The following DENND5A variants were observed in gnomAD, a reference collection of about 807,000 sequenced individuals.
DENND5A encodes the protein DENN domain containing 5A.
DENND5A carries 64 observed loss-of-function variants against 140.3 expected under a neutral mutation model. The ratio of observed to expected loss-of-function variants is 0.46; its 90% CI spans 0.37 to 0.56. The LOEUF (loss-of-function observed/expected upper bound fraction) is 0.56. Ranked by LOEUF, DENND5A falls within the 20% of genes least tolerant of loss-of-function variation. DENND5A has a pLI of 0.00. For synonymous variants in DENND5A, 605 were observed against 607.7 expected (o/e 1.00, Z 0.07); for missense variants, 1,292 against 1,593.8 (o/e 0.81, Z 3.22).
At chr11:9,183,147 C>CAA (rs1848790062) in intron 5 of DENND5A, among the ~76,000 whole-genome samples, 1 of 152,188 alleles carries the variant, frequency 6.6e-6, no homozygotes. Flanking sequence ...AGAAGCCTTT[C>CAA]ATATTTGTAT....
intron 1 of DENND5A, among the ~76,000 whole-genome samples, chr11:9,209,352 T>C (rs1177137404): frequency 6.6e-6 from 1 of 152,148 alleles, no homozygotes; most frequent in African/African-American, 2.4e-5. Context: ...AGGGGAGAAC[T>C]TTTTAAAAGT....
intron 11 of DENND5A, among the ~76,000 whole-genome samples, chr11:9,165,180 T>C (rs967902801): frequency 2.0e-5 from 3 of 152,016 alleles, no homozygotes; most frequent in African/African-American, 7.2e-5. Flanking sequence ...TTTTGTGTCT[T>C]TAGTAGAGAC....
chr11:9,161,375 A>G (rs1228368928), intron 11 of DENND5A, among the ~76,000 whole-genome samples: 1 of 152,184 alleles, frequency 6.6e-6, no homozygotes, highest in Non-Finnish European at 1.5e-5. Flanking sequence ...TAGTTAAGGA[A>G]AGGATAAGAA....
rs117344697 is a variant in DENND5A at position 9,138,976 on chromosome 11, G to A, written c.*695C>T. Reference sequence around the variant, plus strand: ...AAAATACTTAAAAACACACAATGGCGGGTTAAATAAATAAAACATTTTAAA... The same window carrying A: ...AAAATACTTAAAAACACACAATGGCAGGTTAAATAAATAAAACATTTTAAA... On this transcript the variant is annotated 3_prime_UTR_variant, in exon 23 of 23. Coordinates refer to ENST00000328194, the MANE Select transcript of DENND5A (RefSeq NM_015213.4). 6,086 of 152,250 alleles carry A rather than the reference G, an allele frequency of 0.04. 185 individuals carry two copies. The highest frequency in any genetic ancestry group is 0.065 in the Middle Eastern group (19 of 294). 9.4% of individuals were successfully genotyped at this position (152,250 alleles called of 1,614,324 possible). A position where few individuals can be genotyped will look rare whatever the true frequency, so the allele number is the denominator to read the frequency against.
At chr11:9,219,108 T>C (rs1564922222) in intron 1 of DENND5A, among the ~76,000 whole-genome samples, 2 of 151,756 alleles carry the variant, frequency 1.3e-5, no homozygotes, top group Non-Finnish European at 2.9e-5. Context: ...AATAAAAGTA[T>C]ACCATAAAAA....
chr11:9,145,076 C>A lies in DENND5A; in HGVS notation c.3041G>T (p.Gly1014Val), dbSNP rs1489701165. 6.2e-7 allele frequency: 1 copy of A among 1,614,076 alleles called. No individual in the cohort carries two copies. Among genetic ancestry groups the A allele is most frequent in the South Asian group, 1.1e-5 (1 of 91,078 alleles). ...NLGKLTTVQI[G>V]HDNSGLYAKW... is the part of the protein sequence containing the mutation. ...GGCATACAGCCCAGAGTTATCATGG[C>A]CAATCTGGACAGTAGTAAGCTTCCC... The change falls in exon 18 of 23, where the codon GGC (glycine) becomes GTC (valine). Residue 1014 changes from glycine to valine, a missense_variant. Around this residue, in one of 4 missense-constraint regions of DENND5A, gnomAD observed 498 missense variants for 689.7 expected, o/e 0.72. Coordinates refer to ENST00000328194, the MANE Select transcript of DENND5A (RefSeq NM_015213.4).
intron 5 of DENND5A, among the ~76,000 whole-genome samples, chr11:9,185,093 AG>A (rs1261363876): frequency 6.6e-6 from 1 of 152,176 alleles, no homozygotes; most frequent in Non-Finnish European, 1.5e-5. Flanking sequence ...TGGGAGGCTG[AG>A]GCAGGAGAAT....
At chr11:9,246,919 T>G (rs1339525417) in intron 1 of DENND5A, among the ~76,000 whole-genome samples, 2 of 152,066 alleles carry the variant, frequency 1.3e-5, no homozygotes, top group African/African-American at 4.8e-5. Flanking sequence ...TTTCCTGAAA[T>G]TTACCCATAC....
rs904972109 is a variant in DENND5A, at chr11:9,139,581, C to T, written c.*90G>A. 1.2e-5 allele frequency: 15 copies of T among 1,235,466 alleles called. No homozygotes were observed. The Middle Eastern group carries it at 7.5e-4, about 62-fold the overall frequency. The allele number at this position is 1,235,466 out of a possible 1,614,324, so 76.5% of individuals were successfully genotyped here. On this transcript the variant is annotated 3_prime_UTR_variant, in exon 23 of 23. Coordinates refer to ENST00000328194, the MANE Select transcript of DENND5A (RefSeq NM_015213.4). The stretch of plus-strand genomic sequence containing the variant: ...GTGAGTGTACATTTTGTCTCCTACT[C>T]CTGCACAATCGCTTAAGTCCCTTTG...
At chr11:9,247,596 G>T (rs1851533158) in intron 1 of DENND5A, among the ~76,000 whole-genome samples, 1 of 151,946 alleles carries the variant, frequency 6.6e-6, no homozygotes, top group African/African-American at 2.4e-5. Context: ...TATTTAAAGA[G>T]ATTTATTTTG....
intron 1 of DENND5A, among the ~76,000 whole-genome samples, chr11:9,215,569 A>C (rs536044295): frequency 7.4e-6 from 1 of 134,868 alleles, no homozygotes; most frequent in African/African-American, 2.9e-5. Context: ...TTTTTTTGAG[A>C]TGGAGTCTCG....
intron 13 of DENND5A, 37 bp from the exon 14 acceptor site, chr11:9,150,801 G>A: frequency 7.1e-7 from 1 of 1,416,348 alleles, no homozygotes; most frequent in Non-Finnish European, 1.0e-6. Flanking sequence ...AAAGAGATCT[G>A]AATATCCAAA....
intron 12 of DENND5A, among the ~76,000 whole-genome samples, chr11:9,153,801 A>T (rs1028311912): frequency 3.3e-5 from 5 of 152,234 alleles, no homozygotes; most frequent in African/African-American, 1.2e-4. Flanking sequence ...AAAGGTAAGA[A>T]CTGCACTTTA....
intron 7 of DENND5A, among the ~76,000 whole-genome samples, chr11:9,178,579 C>T (rs901900830): frequency 1.3e-5 from 2 of 151,912 alleles, no homozygotes; most frequent in African/African-American, 4.8e-5. Flanking sequence ...GGGTAACCTA[C>T]TGAGTCAACC....
At chr11:9,235,996 T>C (rs368060334) in intron 1 of DENND5A, among the ~76,000 whole-genome samples, 6 of 152,076 alleles carry the variant, frequency 3.9e-5, no homozygotes, top group Admixed American at 3.3e-4. Context: ...ATCTCAGCAC[T>C]TTGGGAGGAC....
At chr11:9,248,958 C>G (rs79190332) in intron 1 of DENND5A, among the ~76,000 whole-genome samples, 3 of 152,124 alleles carry the variant, frequency 2.0e-5, no homozygotes, top group South Asian at 2.1e-4. Flanking sequence ...CAAGTCCTGG[C>G]TGGGCGCGGT....
chr11:9,197,288 G>C (rs1241259598), intron 4 of DENND5A, among the ~76,000 whole-genome samples: 3 of 151,192 alleles, frequency 2.0e-5, no homozygotes, highest in Non-Finnish European at 4.4e-5. Context: ...CTGGGCAACA[G>C]AGTGAAACTC....
intron 22 of DENND5A, 30 bp from the exon 23 acceptor site, chr11:9,139,884 C>A (rs1847179106): frequency 6.2e-7 from 1 of 1,605,980 alleles, no homozygotes; most frequent in South Asian, 1.1e-5. Flanking sequence ...CCAGGCAGGT[C>A]AGAGGGGCAA....
intron 1 of DENND5A, among the ~76,000 whole-genome samples, chr11:9,264,032 T>A (rs1326932124): frequency 6.6e-6 from 1 of 151,972 alleles, no homozygotes; most frequent in Non-Finnish European, 1.5e-5. Context: ...AACCTTAAAG[T>A]ACAACCCGAC....
Sources: allele counts gnomAD v4.1 joint callset (sites outside exome capture counted in the v4.1 genomes callset), GRCh38; gene constraint gnomAD v4.1.1; regional missense constraint gnomAD v4.1.1; transcripts MANE v1.5; gene names NCBI Gene and HGNC (gene_info 2026-07-23, HGNC 2026-07-21).